The following GOLM1 variants were observed in gnomAD, a reference collection of about 807,000 sequenced individuals.
GOLM1 encodes golgi membrane protein 1.
In GOLM1, 31 loss-of-function variants were observed where a neutral mutation model predicts 50.5. The observed-to-expected ratio is 0.61, with a 90% CI of 0.46 to 0.83. The LOEUF is 0.83. Ranked by LOEUF, GOLM1 falls within the 40% of genes least tolerant of loss-of-function variation. The pLI is 0.00. For missense variants in GOLM1, 491 were observed against 501.3 expected (o/e 0.98, Z 0.20); for synonymous variants, 178 against 192.8 (o/e 0.92, Z 0.64).
chr9:86,100,116 C>T (rs1308210697), upstream of GOLM1: 2 of 152,258 alleles, frequency 1.3e-5, no homozygotes, highest in Non-Finnish European at 2.9e-5. Flanking sequence ...TGGTCTGTGA[C>T]CCTTCCACTG....
chr9:86,042,786 T>A (rs1293010864), intron 5 of GOLM1, among the ~76,000 whole-genome samples: 4 of 152,214 alleles, frequency 2.6e-5, no homozygotes, highest in African/African-American at 4.8e-5. Context: ...GAAGAGCCTT[T>A]ATCTCACAGC....
In GOLM1 at chr9:86,065,286, C is replaced by T. The variant is rs114218588; in HGVS notation, c.309+12126G>A. Among the ~76,000 whole-genome samples, 515 of 152,298 alleles carry T rather than the reference C, an allele frequency of 3.4e-3. 4 individuals are homozygous for T. Among genetic ancestry groups the T allele is most frequent in the African/African-American group, 0.012 (494 of 41,558 alleles). On this transcript the variant is annotated intron_variant, in intron 3 of 9. Transcript: ENST00000388712. ...GGTAAATGTGCAATGAACACAGCCT[C>T]CCCACCACTGGGCACAGGCCAGGGC... is the stretch of plus-strand genomic sequence containing the variant.
At chr9:86,068,525 C>T (rs920834327) in intron 3 of GOLM1, among the ~76,000 whole-genome samples, 2 of 152,142 alleles carry the variant, frequency 1.3e-5, no homozygotes, top group Non-Finnish European at 2.9e-5. Context: ...GGTCCTGGCC[C>T]CTGCCCCTGC....
intron 3 of GOLM1, among the ~76,000 whole-genome samples, chr9:86,065,674 C>T (rs1165706603): frequency 2.0e-5 from 3 of 152,218 alleles, no homozygotes; most frequent in Non-Finnish European, 4.4e-5. Flanking sequence ...ACCTCTCTGG[C>T]TCTCACTCTC....
chr9:86,089,568 T>G (rs1268775892), intron 1 of GOLM1, among the ~76,000 whole-genome samples: 1 of 152,154 alleles, frequency 6.6e-6, no homozygotes, highest in Non-Finnish European at 1.5e-5. Flanking sequence ...TACTTGCATA[T>G]GCTTCACGAA....
rs530809586 is a variant in GOLM1 at position 86,049,661 on chromosome 9, G to A, written c.364+2876C>T. On this transcript the variant is annotated intron_variant, in intron 4 of 9. Transcript: ENST00000388712. ...TGAATGGGAGTTCACTCATGATTTG[G>A]CTGTTTGTCTGTTATTGGTGTATAG... Among the ~76,000 whole-genome samples the A allele has an allele frequency of 4.0e-3, 602 of 151,894 alleles. 5 individuals are homozygous for A. Among genetic ancestry groups the A allele is most frequent in the African/African-American group, 0.014 (569 of 41,476 alleles).
chr9:86,062,627 G>C (rs538201362), intron 3 of GOLM1, among the ~76,000 whole-genome samples: 1 of 150,518 alleles, frequency 6.6e-6, no homozygotes, highest in Non-Finnish European at 1.5e-5. Flanking sequence ...AGGATGGAGG[G>C]AGGAAAAGGA....
intron 5 of GOLM1, among the ~76,000 whole-genome samples, chr9:86,044,354 ATG>A (rs1833462590): frequency 6.6e-6 from 1 of 152,190 alleles, no homozygotes; most frequent in East Asian, 1.9e-4. Flanking sequence ...TTTCAGTTGT[ATG>A]TGGTTATAAA....
intron 9 of GOLM1, among the ~76,000 whole-genome samples, chr9:86,031,723 A>G (rs1013478212): frequency 1.3e-5 from 2 of 151,674 alleles, no homozygotes; most frequent in African/African-American, 2.4e-5. Context: ...CGGCCTCCCA[A>G]AGTGCTGGGT....
intron 2 of GOLM1, chr9:86,078,068 AG>A: frequency 6.3e-6 from 1 of 159,184 alleles, no homozygotes; most frequent in Non-Finnish European, 1.4e-5. Context: ...CAAGCCCAGG[AG>A]GGTAAGTGTG....
At chr9:86,055,974 A>C (rs1257584203) in intron 3 of GOLM1, among the ~76,000 whole-genome samples, 1 of 89,174 alleles carries the variant, frequency 1.1e-5, no homozygotes, top group Admixed American at 9.0e-5. Context: ...CGAACAGTAA[A>C]AAAAACAAAA....
chr9:86,033,965 CTTTTT>C (rs36119587), intron 8 of GOLM1, among the ~76,000 whole-genome samples: 1 of 138,544 alleles, frequency 7.2e-6, no homozygotes, highest in Non-Finnish European at 1.6e-5. Flanking sequence ...TAAACAAAAT[CTTTTT>C]TTTTTTTTTT....
chr9:86,077,860 G>T (rs1358482356), intron 2 of GOLM1: 6 of 436,142 alleles, frequency 1.4e-5, no homozygotes, highest in Non-Finnish European at 2.4e-5. Flanking sequence ...AATGTGCTAA[G>T]TGCACAGAAT....
chr9:86,062,704 G>A (rs776010152), intron 3 of GOLM1, among the ~76,000 whole-genome samples: 14 of 148,084 alleles, frequency 9.5e-5, no homozygotes, highest in Non-Finnish European at 1.9e-4. Flanking sequence ...GAGGCAGGAG[G>A]AAGGAAAAAG....
chr9:86,028,416 C>G (rs1249091411), intron 9 of GOLM1, among the ~76,000 whole-genome samples: 1 of 152,224 alleles, frequency 6.6e-6, no homozygotes, highest in Non-Finnish European at 1.5e-5. Flanking sequence ...CAGCCAGACT[C>G]CAGAGGAAGA....
In GOLM1 at chr9:86,040,880, G is replaced by C; in HGVS notation, c.468-12C>G. ...TGATGCACTGGCTCCTTTGGTGAAA[G>C]AAAGCAAAGGAAGGGCCTGACGTCT... is the stretch of plus-strand genomic sequence containing the variant. On this transcript the variant is annotated splice_polypyrimidine_tract_variant and intron_variant, in intron 5 of 9. Transcript: ENST00000388712. 2 of 1,612,638 alleles carry C rather than the reference G, an allele frequency of 1.2e-6. No individual in the cohort carries two copies. The highest frequency in any genetic ancestry group is 1.7e-6 in the Non-Finnish European group (2 of 1,179,306).
intron 3 of GOLM1, among the ~76,000 whole-genome samples, chr9:86,068,631 C>T (rs1410896776): frequency 6.6e-6 from 1 of 152,226 alleles, no homozygotes. Context: ...CCCAGACATG[C>T]AGTGCAGAGT....
chr9:86,035,270 A>C, intron 8 of GOLM1, 98 bp downstream of exon 8: 1 of 1,532,466 alleles, frequency 6.5e-7, no homozygotes, highest in Non-Finnish European at 8.8e-7. Flanking sequence ...CTGTTTGGTA[A>C]AATTCAGGGT....
In GOLM1 at chr9:86,071,318, G is replaced by C. The variant is rs1834440744; in HGVS notation, c.309+6094C>G. 2.0e-5 allele frequency among the ~76,000 whole-genome samples: 3 copies of C among 152,036 alleles called. No individual in the cohort carries two copies. In the South Asian group the frequency reaches 6.2e-4, roughly 32 times the overall value. ...TCAGTATGTTGCCCAGGCTGGTCTT[G>C]AACTCCTGGCCTCAAGCAATCCTCC... On this transcript the variant is annotated intron_variant, in intron 3 of 9. Coordinates refer to ENST00000388712, the MANE Select transcript of GOLM1 (RefSeq NM_016548.4).
Sources: gnomAD v4.1 joint callset for allele counts (sites outside exome capture counted in the v4.1 genomes callset) on GRCh38, gnomAD v4.1.1 for gene constraint, MANE v1.5 for transcripts, NCBI Gene and HGNC (gene_info 2026-07-23, HGNC 2026-07-21) for gene names.